The following DERL2 variants were observed in gnomAD, a reference collection of about 807,000 sequenced individuals.
The protein encoded by DERL2 is derlin-2.
In DERL2, 13 loss-of-function variants were observed where a neutral mutation model predicts 32.0. The observed-to-expected ratio is 0.41, with a 90% CI of 0.26 to 0.65. The LOEUF (loss-of-function observed/expected upper bound fraction) is 0.65, where lower values mean the gene tolerates loss of function less well. Ranked by LOEUF, DERL2 falls within the 30% of genes least tolerant of loss-of-function variation. DERL2 has a pLI of 0.35. For missense variants in DERL2, 208 were observed against 296.3 expected, an observed-to-expected ratio of 0.70 and a Z score of 2.19; for synonymous variants, 111 against 104.7, an observed-to-expected ratio of 1.06 and a Z score of -0.37.
At position 5,474,700 on chromosome 17, in the gene DERL2, T is replaced by C; in HGVS notation, c.704A>G (p.Gln235Arg). 1 of 1,611,870 alleles carries C rather than the reference T, an allele frequency of 6.2e-7. No homozygotes were observed. Among genetic ancestry groups the C allele is most frequent in the Non-Finnish European group, 8.5e-7 (1 of 1,179,270 alleles). ...RPGGFAWGEG[Q>R]RLGG ...ACTGCTGCTTTAACCTCCAAGCCGC[T>C]GGCCCTCACCCCAGGCGAAGCCTCC... is the stretch of plus-strand genomic sequence containing the variant. The change falls in exon 7 of 7, where the codon CAG becomes CGG. Residue 235 changes from glutamine (Q) to arginine (R), a missense_variant. By Grantham distance (43) the Gln-to-Arg change is conservative (BLOSUM62 1). Around this residue, in one of 3 missense-constraint regions of DERL2, gnomAD observed 40 missense variants for 38.7 expected, o/e 1.03. Coordinates refer to ENST00000158771, the MANE Select transcript of DERL2 (RefSeq NM_016041.5). The surrounding 1 kb of genome is among the most constrained non-coding windows in gnomAD (Gnocchi z 4.3).
At chr17:5,478,985 G>A (rs755770445) in intron 6 of DERL2, among the ~76,000 whole-genome samples, 11 of 152,084 alleles carry the variant, frequency 7.2e-5, no homozygotes, top group Non-Finnish European at 1.2e-4. Flanking sequence ...ATATGCAGCT[G>A]ATTTTGGGAT....
intron 1 of DERL2, 36 bp from the exon 2 acceptor site, chr17:5,485,252 G>C (rs767670863): frequency 4.2e-5 from 43 of 1,013,492 alleles, no homozygotes; most frequent in Non-Finnish European, 5.5e-5. Context: ...AGCAAATCAA[G>C]AAACAAAATT....
Position 5,480,420 on chromosome 17 carries a change from A to G in DERL2, c.490T>C (p.Leu164=). The change falls in exon 5 of 7, where the codon TTG becomes CTG. Residue 164 remains leucine, a synonymous_variant. Transcript: ENST00000158771. The part of the protein sequence containing the change: ...LPWVLMGFSL[L]LGNSIIVDLL... ...TCCACAATGATTGAGTTCCCCAACA[A>G]CAAGGAAAATCCCATGAGCACCCAG... The G allele has an allele frequency of 6.2e-7, 1 of 1,613,948 alleles. No individual in the cohort carries two copies. Among genetic ancestry groups the G allele is most frequent in the Non-Finnish European group, 8.5e-7 (1 of 1,179,968 alleles).
chr17:5,485,256 CA>C, intron 1 of DERL2, 40 bp from the exon 2 acceptor site: 2 of 1,125,652 alleles, frequency 1.8e-6, no homozygotes, highest in Non-Finnish European at 2.5e-6. Context: ...AATCAAGAAA[CA>C]AAATTTCATC....
At position 5,486,087 on chromosome 17, in the gene DERL2, G is replaced by A; in HGVS notation, c.75C>T (p.Val25=). 1 of 1,611,566 alleles carries A rather than the reference G, an allele frequency of 6.2e-7. No homozygotes were observed. The highest frequency in any genetic ancestry group is 1.8e-4 in the Middle Eastern group (1 of 5,660). ...PVSRAYTTAC[V]LTTAAVQLEL... ...TGCTCACCACGGCGGCGGTGGTGAGGACGCAGGCAGTGGTGTAGGCGCGGC... is the reference window on the plus strand; with the variant it reads ...TGCTCACCACGGCGGCGGTGGTGAGAACGCAGGCAGTGGTGTAGGCGCGGC... Residue 25 remains valine (V), a synonymous_variant, in exon 1 of 7, where the codon GTC becomes GTT. Transcript: ENST00000158771.
rs765986157 is a variant in DERL2, at chr17:5,481,178, AAAAT to A, written c.327+114_327+117del. 2.1e-5 allele frequency: 17 copies of A among 792,710 alleles called. No homozygotes were observed. Among genetic ancestry groups the A allele is most frequent in the Non-Finnish European group, 3.4e-5 (16 of 466,842 alleles). 49.1% of individuals were successfully genotyped at this position (792,710 alleles called of 1,614,324 possible). A position where few individuals can be genotyped will look rare whatever the true frequency, so the allele number is the denominator to read the frequency against. On this transcript the variant is annotated intron_variant, in intron 4 of 6. Transcript: ENST00000158771. This position sits in a 1 kb window ranked among gnomAD's most constrained non-coding sequence, Gnocchi z 4.4. ...AAACTTGTCACAGAAAATGTGCTGT[AAAAT>A]AAATGATAGTGCCCTGAAGCTAAGA...
rs544210372 is a variant in DERL2, at chr17:5,480,925, A to C, written c.328-343T>G. 19 of 487,562 alleles carry C rather than the reference A, an allele frequency of 3.9e-5. 1 individual carries two copies. The South Asian group carries it at 7.7e-4, about 20-fold the overall frequency. 30.2% of individuals were successfully genotyped at this position (487,562 alleles called of 1,614,324 possible). On this transcript the variant is annotated intron_variant, in intron 4 of 6. Coordinates refer to ENST00000158771, the MANE Select transcript of DERL2 (RefSeq NM_016041.5). ...GAGATGAATAAAGCTAGCTGGAACAAAACCATCTTGTCAGACCGTACCATA... is the reference window on the plus strand; with the variant it reads ...GAGATGAATAAAGCTAGCTGGAACACAACCATCTTGTCAGACCGTACCATA...
chr17:5,483,108 A>C (rs1474705755), intron 2 of DERL2, among the ~76,000 whole-genome samples: 1 of 152,114 alleles, frequency 6.6e-6, no homozygotes, highest in Non-Finnish European at 1.5e-5. Flanking sequence ...TGTGACATTT[A>C]TAATAATAGG....
At position 5,474,625 on chromosome 17, in the gene DERL2, G is replaced by T; in HGVS notation, c.*59C>A. ...CACACTTTTGCAACAAAGGATAAAA[G>T]ATCCCAGTGGGTATCACCGAGTCCT... On this transcript the variant is annotated 3_prime_UTR_variant, in exon 7 of 7. Coordinates refer to ENST00000158771, the MANE Select transcript of DERL2 (RefSeq NM_016041.5). The surrounding 1 kb of genome is among the most constrained non-coding windows in gnomAD (Gnocchi z 4.3). 1.5e-6 allele frequency: 2 copies of T among 1,329,546 alleles called. No individual in the cohort carries two copies. The highest frequency in any genetic ancestry group is 2.1e-6 in the Non-Finnish European group (2 of 952,480). 82.4% of individuals were successfully genotyped at this position (1,329,546 alleles called of 1,614,324 possible). A position where few individuals can be genotyped will look rare whatever the true frequency, so the allele number is the denominator to read the frequency against.
At chr17:5,476,547 C>T (rs1269889931) in intron 6 of DERL2, among the ~76,000 whole-genome samples, 1 of 151,924 alleles carries the variant, frequency 6.6e-6, no homozygotes, top group African/African-American at 2.4e-5. Context: ...TTTGGGAGGC[C>T]GAGGAGGGTG....
Position 5,481,014 on chromosome 17 carries a change from C to T in DERL2, c.327+282G>A. The T allele has an allele frequency of 1.8e-6, 1 of 544,180 alleles. No individual in the cohort carries two copies. Among genetic ancestry groups the T allele is most frequent in the South Asian group, 2.7e-5 (1 of 36,804 alleles). The allele number at this position is 544,180 out of a possible 1,614,324, so 33.7% of individuals were successfully genotyped here. The stretch of plus-strand genomic sequence containing the variant: ...AAAATAATTTATTGGTTTTGGTAGC[C>T]ACCAAGTAAATGTCTTACCAACTTA... On this transcript the variant is annotated intron_variant, in intron 4 of 6. Coordinates refer to ENST00000158771, the MANE Select transcript of DERL2 (RefSeq NM_016041.5). This position sits in a 1 kb window ranked among gnomAD's most constrained non-coding sequence, Gnocchi z 4.4.
chr17:5,476,215 G>C (rs2151700483), intron 6 of DERL2, among the ~76,000 whole-genome samples: 1 of 152,324 alleles, frequency 6.6e-6, no homozygotes, highest in South Asian at 2.1e-4. Flanking sequence ...AACCATTAAA[G>C]CAGCATCCTC....
chr17:5,485,080 A>G, intron 2 of DERL2, 71 bp downstream of exon 2: 1 of 1,139,074 alleles, frequency 8.8e-7, no homozygotes, highest in Non-Finnish European at 1.3e-6. Context: ...AGTGTATAAC[A>G]GGATTTGCTA....
At chr17:5,482,534 C>T (rs932833632) in intron 3 of DERL2, 3 of 293,938 alleles carry the variant, frequency 1.0e-5, no homozygotes, top group African/African-American at 4.6e-5. Flanking sequence ...TGGAGGTATG[C>T]CTCAGTTAAA....
At chr17:5,485,649 G>C (rs1190917930) in intron 1 of DERL2, among the ~76,000 whole-genome samples, 1 of 152,150 alleles carries the variant, frequency 6.6e-6, no homozygotes, top group Non-Finnish European at 1.5e-5. Flanking sequence ...CCCTTATTTA[G>C]ATCCAGAGAC....
At position 5,474,016 on chromosome 17, in the gene DERL2, T is replaced by A. The variant is rs547927004; in HGVS notation, c.*668A>T. Reference sequence around the variant, plus strand: ...AACCATCCTCCCTCCTTTTTTTTCATGTTGTCTGACAAAGTTTGGCAAAAC... The same window carrying A: ...AACCATCCTCCCTCCTTTTTTTTCAAGTTGTCTGACAAAGTTTGGCAAAAC... On this transcript the variant is annotated 3_prime_UTR_variant, in exon 7 of 7. Transcript: ENST00000158771. This position sits in a 1 kb window ranked among gnomAD's most constrained non-coding sequence, Gnocchi z 4.3. 19 of 152,258 alleles carry A rather than the reference T, an allele frequency of 1.2e-4. No homozygotes were observed. The highest frequency in any genetic ancestry group is 7.2e-4 in the Admixed American group (11 of 15,296). The allele number at this position is 152,258 out of a possible 1,614,324, so 9.4% of individuals were successfully genotyped here. A position where few individuals can be genotyped will look rare whatever the true frequency, so the allele number is the denominator to read the frequency against.
chr17:5,479,973 T>G, intron 6 of DERL2, 81 bp downstream of exon 6: 1 of 839,664 alleles, frequency 1.2e-6, no homozygotes, highest in Non-Finnish European at 2.0e-6. Flanking sequence ...TACTAGGAGC[T>G]AGGGGAGCCA....
chr17:5,479,067 G>A (rs1332341604), intron 6 of DERL2, among the ~76,000 whole-genome samples: 3 of 152,106 alleles, frequency 2.0e-5, no homozygotes, highest in Non-Finnish European at 4.4e-5. Flanking sequence ...TGATCCGTCT[G>A]CCTTCACCTC....
At chr17:5,478,910 T>G (rs886414006) in intron 6 of DERL2, among the ~76,000 whole-genome samples, 2 of 151,716 alleles carry the variant, frequency 1.3e-5, no homozygotes, top group Non-Finnish European at 2.9e-5. Context: ...GTCTCAACCC[T>G]CTGGGCTCAA....
Sources: gnomAD v4.1 joint callset for allele counts (sites outside exome capture counted in the v4.1 genomes callset) on GRCh38, gnomAD v4.1.1 for gene constraint, gnomAD v4.1.1 regional missense constraint, Gnocchi (gnomAD v3.1) non-coding constraint, MANE v1.5 for transcripts, NCBI Gene and HGNC (gene_info 2026-07-23, HGNC 2026-07-21) for gene names.